VPS13C: variants seen among roughly 807,000 people sequenced by gnomAD.
VPS13C encodes vacuolar protein sorting 13 homolog C.
Under a neutral mutation model 456.8 loss-of-function variants are expected in VPS13C, and 358 were observed. That is an observed-to-expected ratio of 0.78 (90% CI 0.72 to 0.86). The LOEUF (loss-of-function observed/expected upper bound fraction) is 0.86, where lower values mean the gene tolerates loss of function less well. Among genes scored for constraint, VPS13C ranks in the 40% least tolerant of loss-of-function variants. VPS13C has a pLI of 0.00. For missense variants in VPS13C, 4,818 were observed against 4,385.4 expected, an observed-to-expected ratio of 1.10 and a Z score of -2.79; for synonymous variants, 1,578 against 1,486.7, an observed-to-expected ratio of 1.06 and a Z score of -1.41.
intron 27 of VPS13C, among the ~76,000 whole-genome samples, chr15:61,972,111 C>T (rs1444861273): frequency 1.3e-5 from 2 of 152,130 alleles, no homozygotes; most frequent in Non-Finnish European, 2.9e-5. Flanking sequence ...CATATGGAAT[C>T]ATAATATCTT....
At chr15:62,010,115 A>G (rs1331809743) in intron 13 of VPS13C, among the ~76,000 whole-genome samples, 2 of 152,034 alleles carry the variant, frequency 1.3e-5, no homozygotes, top group East Asian at 3.9e-4. Context: ...GCATGAACCC[A>G]GGAGGTAGAG....
At chr15:61,933,049 T>C (rs1486771069) in intron 49 of VPS13C, among the ~76,000 whole-genome samples, 3 of 152,142 alleles carry the variant, frequency 2.0e-5, no homozygotes, top group South Asian at 2.1e-4. Context: ...AAGGAAGTCA[T>C]TGCAGTACTA....
At chr15:61,908,867 AAATACC>A in intron 65 of VPS13C, 119 bp downstream of exon 65, 1 of 1,125,608 alleles carries the variant, frequency 8.9e-7, no homozygotes, top group South Asian at 1.7e-5. Flanking sequence ...TATTAAAGAT[AAATACC>A]ATGTGTTCCA....
chr15:62,029,522 T>G (rs1032985135), intron 5 of VPS13C, among the ~76,000 whole-genome samples: 2 of 152,190 alleles, frequency 1.3e-5, no homozygotes, highest in African/African-American at 2.4e-5. Context: ...AATATACACC[T>G]TCATAGTGTC....
chr15:61,929,432 C>T, intron 51 of VPS13C, 69 bp downstream of exon 51: 7 of 1,523,526 alleles, frequency 4.6e-6, no homozygotes, highest in African/African-American at 1.4e-5. Context: ...TTTCATTTCT[C>T]TTTTTTCTGG....
At chr15:61,903,461 C>G (rs1413832339) in intron 66 of VPS13C, among the ~76,000 whole-genome samples, 3 of 151,714 alleles carry the variant, frequency 2.0e-5, no homozygotes, top group African/African-American at 7.3e-5. Context: ...AAGATTTGAC[C>G]AAAATGTATA....
In VPS13C at chr15:61,881,654, TA is replaced by T. The variant is rs754758949; in HGVS notation, c.9707-23del. On this transcript the variant is annotated intron_variant, in intron 70 of 84. Transcript: ENST00000644861. ...GGCTCTAAGAGGAAGAAGTAACACA[TA>T]AAAAAAAATAATGCTTTATACTAGG... 3.0e-4 allele frequency: 475 copies of T among 1,593,574 alleles called. 2 individuals carry two copies. Among genetic ancestry groups the T allele is most frequent in the East Asian group, 2.6e-3 (117 of 44,402 alleles).
Position 62,018,794 on chromosome 15 carries a change from G to A in VPS13C, c.684+1685C>T, listed in dbSNP as rs1050431034. On this transcript the variant is annotated intron_variant, in intron 9 of 84. Coordinates refer to ENST00000644861, the MANE Select transcript of VPS13C (RefSeq NM_020821.3). ...CAGGCTTTGGTATCAGGATGCTGCT[G>A]GACTCATAAAATGAGTTAGGGAGGA... 1.4e-4 allele frequency among the ~76,000 whole-genome samples: 22 copies of A among 152,196 alleles called. No individual in the cohort carries two copies. In the Middle Eastern group the frequency reaches 0.014, roughly 94 times the overall value.
At chr15:62,043,701 C>G (rs1414986000) in intron 2 of VPS13C, among the ~76,000 whole-genome samples, 1 of 152,040 alleles carries the variant, frequency 6.6e-6, no homozygotes, top group Non-Finnish European at 1.5e-5. Flanking sequence ...CACATTTAGC[C>G]CAACAAGCTA....
At chr15:62,005,356 T>C (rs1204233846) in intron 15 of VPS13C, among the ~76,000 whole-genome samples, 2 of 152,210 alleles carry the variant, frequency 1.3e-5, no homozygotes, top group Non-Finnish European at 2.9e-5. Flanking sequence ...CTTTTTTTGT[T>C]TTCCATTTGC....
intron 21 of VPS13C, among the ~76,000 whole-genome samples, chr15:61,982,074 G>T (rs1180300548): frequency 6.6e-6 from 1 of 152,090 alleles, no homozygotes; most frequent in Non-Finnish European, 1.5e-5. Context: ...CTTGGTTAAG[G>T]AACTGGATAA....
intron 9 of VPS13C, among the ~76,000 whole-genome samples, chr15:62,019,516 A>G (rs933250694): frequency 2.0e-5 from 3 of 152,016 alleles, no homozygotes; most frequent in Admixed American, 6.6e-5. Context: ...TTCAAAGAAC[A>G]TCTTTATTTC....
chr15:61,919,238 T>A (rs1444683090), intron 58 of VPS13C, 51 bp downstream of exon 58: 1 of 1,525,692 alleles, frequency 6.6e-7, no homozygotes, highest in Non-Finnish European at 8.8e-7. Context: ...CTAAATGATT[T>A]AACCATTTCT....
chr15:62,004,907 CT>C (rs1475564140), intron 15 of VPS13C, among the ~76,000 whole-genome samples: 3 of 152,072 alleles, frequency 2.0e-5, no homozygotes, highest in African/African-American at 7.2e-5. Flanking sequence ...AATTTCTGTT[CT>C]TTTACATTTG....
In VPS13C at chr15:61,920,149, C is replaced by T; in HGVS notation, c.7395G>A (p.Glu2465=). 1 of 1,613,588 alleles carries T rather than the reference C, an allele frequency of 6.2e-7. No homozygotes were observed. Among genetic ancestry groups the T allele is most frequent in the Non-Finnish European group, 8.5e-7 (1 of 1,179,644 alleles). The change falls in exon 57 of 85, where the codon GAG becomes GAA. Residue 2465 remains glutamate (E), a synonymous_variant. Coordinates refer to ENST00000644861, the MANE Select transcript of VPS13C (RefSeq NM_020821.3). ...DVDAGQNLEL[E]YASMVPSSQG... is the part of the protein sequence containing the mutation. ...GACTTGAAGGTACCATGCTGGCATA[C>T]TCCAGTTCCAAATTCTGGCCAGCAT... is the stretch of plus-strand genomic sequence containing the variant.
intron 52 of VPS13C, among the ~76,000 whole-genome samples, chr15:61,926,685 T>C (rs1207713988): frequency 6.6e-6 from 1 of 152,212 alleles, no homozygotes; most frequent in African/African-American, 2.4e-5. Context: ...TAATTGACAT[T>C]CACTTTTAAT....
chr15:62,047,582 G>A (rs934610719), intron 1 of VPS13C, among the ~76,000 whole-genome samples: 1 of 152,192 alleles, frequency 6.6e-6, no homozygotes, highest in Non-Finnish European at 1.5e-5. Context: ...TATTTGCACT[G>A]AAGGAGGAGC....
At chr15:61,941,623 G>C in intron 46 of VPS13C, 140 bp downstream of exon 46, 1 of 869,164 alleles carries the variant, frequency 1.2e-6, no homozygotes, top group Non-Finnish European at 1.7e-6. Context: ...CACTGACCAA[G>C]AAGCCAATGG....
intron 20 of VPS13C, among the ~76,000 whole-genome samples, chr15:61,982,939 A>G (rs2045930735): frequency 1.3e-5 from 2 of 152,348 alleles, no homozygotes; most frequent in Admixed American, 6.5e-5. Flanking sequence ...GAAAATTAAG[A>G]GGAAGAAAGC....
Sources: allele counts gnomAD v4.1 joint callset (sites outside exome capture counted in the v4.1 genomes callset), GRCh38; gene constraint gnomAD v4.1.1; transcripts MANE v1.5; gene names NCBI Gene and HGNC (gene_info 2026-07-23, HGNC 2026-07-21).